The following FAM91A1 variants were observed in gnomAD, a reference collection of about 807,000 sequenced individuals.
FAM91A1 encodes protein FAM91A1.
In FAM91A1, 41 loss-of-function variants were observed where a neutral mutation model predicts 113.5. The observed-to-expected ratio is 0.36, with a 90% CI of 0.28 to 0.47. FAM91A1 has a LOEUF of 0.47. Among genes scored for constraint, FAM91A1 ranks in the 20% least tolerant of loss-of-function variants. The pLI is 1.00. For missense variants in FAM91A1, 696 were observed against 1,001.2 expected (o/e 0.70, Z 4.11); for synonymous variants, 307 against 347.9 (o/e 0.88, Z 1.31).
intron 20 of FAM91A1, 134 bp downstream of exon 20, chr8:123,806,363 G>T (rs1815812562): frequency 2.0e-6 from 2 of 989,108 alleles, no homozygotes; most frequent in South Asian, 3.8e-5. Flanking sequence ...ACTGAAGCAC[G>T]AGGAAATATT....
chr8:123,799,589 C>G lies in FAM91A1; in HGVS notation c.1630C>G (p.Gln544Glu). The G allele has an allele frequency of 6.2e-7, 1 of 1,614,092 alleles. No homozygotes were observed. Reference protein sequence around the residue: ...FKLYIYHVTGQGPPSLLLSKG... With the variant: ...FKLYIYHVTGEGPPSLLLSKG... ...ACTGTACATTTATCATGTCACTGGA[C>G]AAGGACCACCATCCCTTTTATTGTC... Residue 544 changes from glutamine to glutamate, a missense_variant, in exon 17 of 24, where the codon CAA becomes GAA. By Grantham distance (29) the Gln-to-Glu change is conservative. Transcript: ENST00000334705.
chr8:123,808,866 A>C (rs1306392917), intron 21 of FAM91A1, 27 bp from the exon 22 acceptor site: 2 of 1,587,372 alleles, frequency 1.3e-6, no homozygotes, highest in Non-Finnish European at 1.7e-6. Context: ...ATATGATAAA[A>C]AAATAAGTTT....
At chr8:123,773,013 A>AG (rs2130037408) in intron 1 of FAM91A1, among the ~76,000 whole-genome samples, 1 of 152,306 alleles carries the variant, frequency 6.6e-6, no homozygotes, top group East Asian at 1.9e-4. Context: ...AGGGTGGCAG[A>AG]GGAGGAAGAA....
At chr8:123,812,190 T>TA (rs1815973075) in intron 23 of FAM91A1, 1 of 175,330 alleles carries the variant, frequency 5.7e-6, no homozygotes, top group Non-Finnish European at 1.2e-5. Context: ...AAGTTTTTTT[T>TA]TTTTTTTAGA....
Position 123,814,400 on chromosome 8 carries a change from G to C in FAM91A1, c.*1696G>C, listed in dbSNP as rs185625302. The stretch of plus-strand genomic sequence containing the variant: ...CATTTTAATTTCCTTTGTTTGAACT[G>C]TAGTTATTTTATTTATTCCTATATT... On this transcript the variant is annotated 3_prime_UTR_variant, in exon 24 of 24. Coordinates refer to ENST00000334705, the MANE Select transcript of FAM91A1 (RefSeq NM_144963.4). 84 of 199,434 alleles carry C rather than the reference G, an allele frequency of 4.2e-4. No homozygotes were observed. The highest frequency in any genetic ancestry group is 6.2e-4 in the Non-Finnish European group (61 of 98,774). 12.4% of individuals were successfully genotyped at this position (199,434 alleles called of 1,614,324 possible). A position where few individuals can be genotyped will look rare whatever the true frequency, so the allele number is the denominator to read the frequency against.
At chr8:123,805,545 T>C (rs1815783322) in intron 19 of FAM91A1, among the ~76,000 whole-genome samples, 1 of 152,174 alleles carries the variant, frequency 6.6e-6, no homozygotes, top group Admixed American at 6.5e-5. Flanking sequence ...CCGTTTAGGA[T>C]TTTTGAAAGA....
chr8:123,806,158 GAT>G lies in FAM91A1; in HGVS notation c.1964_1965del (p.Tyr655CysfsTer13), dbSNP rs751007373. The G allele has an allele frequency of 6.2e-7, 1 of 1,613,478 alleles. No individual in the cohort carries two copies. Among genetic ancestry groups the G allele is most frequent in the South Asian group, 1.1e-5 (1 of 91,026 alleles). On this transcript the variant is annotated frameshift_variant, in exon 20 of 24. Coordinates refer to ENST00000334705, the MANE Select transcript of FAM91A1 (RefSeq NM_144963.4). LOFTEE classifies it high-confidence loss of function. ...AGAGTGGACTTACAGCATCTCTGTG[GAT>G]ATGTCACCATGTTGAATGCTTCCAG... is the stretch of plus-strand genomic sequence containing the variant.
intron 14 of FAM91A1, 140 bp from the exon 15 acceptor site, chr8:123,789,473 A>T: frequency 8.5e-7 from 1 of 1,183,282 alleles, no homozygotes. Flanking sequence ...ACTGAGGTTA[A>T]TAACTTGTTT....
chr8:123,799,110 C>G (rs1310777438), intron 16 of FAM91A1, among the ~76,000 whole-genome samples: 1 of 152,180 alleles, frequency 6.6e-6, no homozygotes. Flanking sequence ...ATAATAATAG[C>G]TAATACTTTA....
In FAM91A1 at chr8:123,815,376, AGTGTT is replaced by A. The variant is rs1353993971; in HGVS notation, c.*2675_*2679del. 4 of 152,704 alleles carry A rather than the reference AGTGTT, an allele frequency of 2.6e-5. No individual in the cohort carries two copies. The highest frequency in any genetic ancestry group is 9.6e-5 in the African/African-American group (4 of 41,554). 9.5% of individuals were successfully genotyped at this position (152,704 alleles called of 1,614,324 possible). On this transcript the variant is annotated 3_prime_UTR_variant, in exon 24 of 24. Coordinates refer to ENST00000334705, the MANE Select transcript of FAM91A1 (RefSeq NM_144963.4). ...TAATATTATACAATGAAATCTATAAAGTGTTGTCAATTTGATTATTGACACATATA... is the reference window on the plus strand; with the variant it reads ...TAATATTATACAATGAAATCTATAAAGTCAATTTGATTATTGACACATATA...
At chr8:123,771,008 A>G (rs1047316503) in intron 1 of FAM91A1, among the ~76,000 whole-genome samples, 1 of 152,160 alleles carries the variant, frequency 6.6e-6, no homozygotes, top group Non-Finnish European at 1.5e-5. Context: ...TGCATTCTTC[A>G]TGCTACTCTG....
At chr8:123,780,450 A>G in intron 7 of FAM91A1, 30 bp from the exon 8 acceptor site, 1 of 1,553,748 alleles carries the variant, frequency 6.4e-7, no homozygotes, top group South Asian at 1.1e-5. Flanking sequence ...GTAGTGTTCC[A>G]TCTAAAACAA....
In FAM91A1 at chr8:123,814,413, T is replaced by G. The variant is rs142119268; in HGVS notation, c.*1709T>G. On this transcript the variant is annotated 3_prime_UTR_variant, in exon 24 of 24. Coordinates refer to ENST00000334705, the MANE Select transcript of FAM91A1 (RefSeq NM_144963.4). The stretch of plus-strand genomic sequence containing the variant: ...TTTGTTTGAACTGTAGTTATTTTAT[T>G]TATTCCTATATTAACCATCTAAACC... The G allele has an allele frequency of 6.0e-5, 12 of 200,616 alleles. No individual in the cohort carries two copies. Among genetic ancestry groups the G allele is most frequent in the African/African-American group, 2.9e-4 (12 of 41,648 alleles). The allele number at this position is 200,616 out of a possible 1,614,324, so 12.4% of individuals were successfully genotyped here.
intron 18 of FAM91A1, among the ~76,000 whole-genome samples, chr8:123,801,522 T>C (rs2130138064): frequency 6.6e-6 from 1 of 152,374 alleles, no homozygotes; most frequent in East Asian, 1.9e-4. Flanking sequence ...TGTGCATATT[T>C]TGCGCTAATT....
chr8:123,793,682 G>C (rs1204908162), intron 15 of FAM91A1, among the ~76,000 whole-genome samples: 1 of 152,106 alleles, frequency 6.6e-6, no homozygotes, highest in East Asian at 1.9e-4. Flanking sequence ...CCTCAGTCCT[G>C]GAATCAGCCA....
At position 123,813,037 on chromosome 8, in the gene FAM91A1, T is replaced by A. The variant is rs1353013695; in HGVS notation, c.*333T>A. ...TGAAAATTGCAATGGTAATTTTATA[T>A]GTTAGTTTATCAAACATAAATCTTG... On this transcript the variant is annotated 3_prime_UTR_variant, in exon 24 of 24. Transcript: ENST00000334705. 4 of 176,154 alleles carry A rather than the reference T, an allele frequency of 2.3e-5. No homozygotes were observed. The highest frequency in any genetic ancestry group is 7.1e-5 in the African/African-American group (3 of 42,434). The allele number at this position is 176,154 out of a possible 1,614,324, so 10.9% of individuals were successfully genotyped here. A position where few individuals can be genotyped will look rare whatever the true frequency, so the allele number is the denominator to read the frequency against.
In FAM91A1 at chr8:123,814,245, AC is replaced by A; in HGVS notation, c.*1542del. On this transcript the variant is annotated 3_prime_UTR_variant, in exon 24 of 24. Coordinates refer to ENST00000334705, the MANE Select transcript of FAM91A1 (RefSeq NM_144963.4). ...AAATAATTTCTTACGACTCTGAGTC[AC>A]TCACTTATTTTTCCAATAATTGATA... The A allele has an allele frequency of 2.8e-6, 1 of 351,518 alleles. No homozygotes were observed. Among genetic ancestry groups the A allele is most frequent in the Non-Finnish European group, 5.4e-6 (1 of 186,180 alleles). The allele number at this position is 351,518 out of a possible 1,614,324, so 21.8% of individuals were successfully genotyped here.
intron 18 of FAM91A1, among the ~76,000 whole-genome samples, chr8:123,804,085 C>G (rs1176292853): frequency 6.6e-6 from 1 of 152,118 alleles, no homozygotes; most frequent in Non-Finnish European, 1.5e-5. Flanking sequence ...ATAGATGAAA[C>G]TGAATTATCA....
intron 4 of FAM91A1, among the ~76,000 whole-genome samples, chr8:123,777,562 A>G (rs542107534): frequency 5.9e-5 from 9 of 152,358 alleles, no homozygotes; most frequent in Admixed American, 2.0e-4. Flanking sequence ...ACTAATCTAT[A>G]TATTTCCAGA....
Sources: allele counts gnomAD v4.1 joint callset (sites outside exome capture counted in the v4.1 genomes callset), GRCh38; gene constraint gnomAD v4.1.1; transcripts MANE v1.5; gene names NCBI Gene and HGNC (gene_info 2026-07-23, HGNC 2026-07-21).